The following ALDH1L2 variants were observed in gnomAD, a reference collection of about 807,000 sequenced individuals.
ALDH1L2 encodes the protein mitochondrial 10-formyltetrahydrofolate dehydrogenase.
A neutral mutation model predicts 111.0 loss-of-function variants in ALDH1L2; 91 were observed. The ratio of observed to expected loss-of-function variants is 0.82; its 90% CI spans 0.69 to 0.98. The LOEUF is 0.98. Among genes scored for constraint, ALDH1L2 ranks in the 50% least tolerant of loss-of-function variants. The pLI, the probability that ALDH1L2 is intolerant of heterozygous loss-of-function variation, is 0.00. For synonymous variants in ALDH1L2, 374 were observed against 392.6 expected (o/e 0.95, Z 0.56); for missense variants, 995 against 1,126.8 (o/e 0.88, Z 1.67).
Position 105,070,609 on chromosome 12 carries a change from G to C in ALDH1L2, c.389C>G (p.Ser130Cys), listed in dbSNP as rs975196194. The change falls in exon 3 of 23, where the codon TCC becomes TGC. Residue 130 changes from serine (S) to cysteine (C), a missense_variant. By Grantham distance (112) the Ser-to-Cys change is moderately radical. Transcript: ENST00000258494. ...PKHGSIIYHP[S>C]ILPRHRGASA... ...GGCTCCTCTGTGCCTGGGCAGGATG[G>C]ATGGGTGATAAATGATAGAGCCGTG... The C allele has an allele frequency of 3.1e-6, 5 of 1,614,066 alleles. No homozygotes were observed. Among genetic ancestry groups the C allele is most frequent in the Non-Finnish European group, 4.2e-6 (5 of 1,179,966 alleles).
intron 1 of ALDH1L2, among the ~76,000 whole-genome samples, chr12:105,082,343 C>T (rs1343542423): frequency 1.3e-5 from 2 of 152,184 alleles, no homozygotes; most frequent in Admixed American, 6.5e-5. Flanking sequence ...TTCCTTTATG[C>T]CTATTTATAA....
At chr12:105,049,686 C>G (rs1383898595) in intron 13 of ALDH1L2, 4 of 426,860 alleles carry the variant, frequency 9.4e-6, no homozygotes, top group African/African-American at 4.1e-5. Context: ...ACACCTTTAT[C>G]TTAGACTTCC....
chr12:105,070,871 A>G lies in ALDH1L2; in HGVS notation c.194-67T>C. 4.7e-6 allele frequency: 6 copies of G among 1,276,248 alleles called. No individual in the cohort carries two copies. In the South Asian group the frequency reaches 8.1e-5, roughly 17 times the overall value. 79.1% of individuals were successfully genotyped at this position (1,276,248 alleles called of 1,614,324 possible). On this transcript the variant is annotated intron_variant, in intron 2 of 22. Coordinates refer to ENST00000258494, the MANE Select transcript of ALDH1L2 (RefSeq NM_001034173.4). ...TAATTTTACATCACTATGAATTCAT[A>G]TGTTGTAATTTTACAGTTTCATGAA...
Position 105,019,911 on chromosome 12 carries a change from A to ACT in ALDH1L2, c.*4512_*4513insAG, listed in dbSNP as rs1874078674. 1 of 152,216 alleles carries ACT rather than the reference A, an allele frequency of 6.6e-6. No homozygotes were observed. Among genetic ancestry groups the ACT allele is most frequent in the Non-Finnish European group, 1.5e-5 (1 of 68,026 alleles). The allele number at this position is 152,216 out of a possible 1,614,324, so 9.4% of individuals were successfully genotyped here. A position where few individuals can be genotyped will look rare whatever the true frequency, so the allele number is the denominator to read the frequency against. ...AAAAAAAGTATACATATTCATAGAA[A>ACT]AAGTTTGGAACAATCTCAGATATCA... On this transcript the variant is annotated 3_prime_UTR_variant, in exon 23 of 23. Coordinates refer to ENST00000258494, the MANE Select transcript of ALDH1L2 (RefSeq NM_001034173.4).
chr12:105,060,716 C>T (rs373051316), intron 9 of ALDH1L2: 4 of 239,434 alleles, frequency 1.7e-5, no homozygotes, highest in Admixed American at 1.0e-4. Context: ...CCCAGCTACT[C>T]GGGAGGCCGA....
chr12:105,020,377 G>A lies in ALDH1L2; in HGVS notation c.*4047C>T, dbSNP rs1874103776. Reference sequence around the variant, plus strand: ...AGGCATTAGGAATAAAAACTATCTCGACTTAGTTAAAACCACCAGATGCAT... The same window carrying A: ...AGGCATTAGGAATAAAAACTATCTCAACTTAGTTAAAACCACCAGATGCAT... On this transcript the variant is annotated 3_prime_UTR_variant, in exon 23 of 23. Coordinates refer to ENST00000258494, the MANE Select transcript of ALDH1L2 (RefSeq NM_001034173.4). 1 of 152,096 alleles carries A rather than the reference G, an allele frequency of 6.6e-6. No individual in the cohort carries two copies. The highest frequency in any genetic ancestry group is 1.5e-5 in the Non-Finnish European group (1 of 68,036). 9.4% of individuals were successfully genotyped at this position (152,096 alleles called of 1,614,324 possible). A position where few individuals can be genotyped will look rare whatever the true frequency, so the allele number is the denominator to read the frequency against.
intron 2 of ALDH1L2, among the ~76,000 whole-genome samples, chr12:105,073,047 G>A (rs1475757894): frequency 1.3e-5 from 2 of 152,190 alleles, no homozygotes; most frequent in African/African-American, 4.8e-5. Context: ...GTTTTTGGCT[G>A]CCCCAGAGCT....
chr12:105,060,896 G>T, intron 9 of ALDH1L2, 85 bp downstream of exon 9: 1 of 1,078,556 alleles, frequency 9.3e-7, no homozygotes. Context: ...CAGAACAAAG[G>T]ATGTGTGTGG....
At chr12:105,070,903 A>G in intron 2 of ALDH1L2, 99 bp from the exon 3 acceptor site, 1 of 1,001,262 alleles carries the variant, frequency 1.0e-6, no homozygotes, top group Non-Finnish European at 1.5e-6. Context: ...TGAAATATTT[A>G]CAAATAAAAC....
intron 12 of ALDH1L2, among the ~76,000 whole-genome samples, chr12:105,050,971 T>C (rs1876225689): frequency 6.6e-6 from 1 of 152,162 alleles, no homozygotes; most frequent in African/African-American, 2.4e-5. Context: ...CTAGGAGATC[T>C]ATTGATCTAG....
intron 19 of ALDH1L2, among the ~76,000 whole-genome samples, chr12:105,033,761 G>A (rs1874828012): frequency 6.6e-6 from 1 of 152,046 alleles, no homozygotes; most frequent in Non-Finnish European, 1.5e-5. Context: ...TATTTTAGTG[G>A]AAGGAATTAT....
chr12:105,078,514 G>A (rs2374449), intron 1 of ALDH1L2, among the ~76,000 whole-genome samples: 129,389 of 152,196 alleles, frequency 0.85, 55,155 homozygotes, highest in South Asian at 0.94. Context: ...CTGTGGCGCC[G>A]TATAGCAACA....
chr12:105,067,215 C>CAAAAAAAAAAAAAAAAAAA, intron 4 of ALDH1L2, among the ~76,000 whole-genome samples: 1 of 97,246 alleles, frequency 1.0e-5, no homozygotes, highest in Non-Finnish European at 2.1e-5. Flanking sequence ...GACTCTGTCT[C>CAAAAAAAAAAAAAAAAAAA]AAAAAAAAAA....
intron 21 of ALDH1L2, among the ~76,000 whole-genome samples, chr12:105,027,988 T>C (rs780599889): frequency 1.2e-4 from 19 of 152,238 alleles, no homozygotes; most frequent in Non-Finnish European, 2.2e-4. Context: ...CCTACTCTTT[T>C]CTCAGTTGAG....
In ALDH1L2 at chr12:105,084,372, G is replaced by C; in HGVS notation, c.48+17C>G. On this transcript the variant is annotated intron_variant, in intron 1 of 22. Coordinates refer to ENST00000258494, the MANE Select transcript of ALDH1L2 (RefSeq NM_001034173.4). ...GGACAGGGTGACAGCCGGGACGCTC[G>C]CCCGGGCCGGACTCACCCGGCCAGT... The C allele has an allele frequency of 6.7e-7, 1 of 1,500,426 alleles. No individual in the cohort carries two copies. The allele number at this position is 1,500,426 out of a possible 1,614,324, so 92.9% of individuals were successfully genotyped here. A position where few individuals can be genotyped will look rare whatever the true frequency, so the allele number is the denominator to read the frequency against.
intron 1 of ALDH1L2, among the ~76,000 whole-genome samples, chr12:105,081,169 A>C (rs1454710269): frequency 6.6e-6 from 1 of 152,224 alleles, no homozygotes; most frequent in Non-Finnish European, 1.5e-5. Context: ...TATCCACGGG[A>C]GGTCCTGAAA....
chr12:105,031,656 T>G, intron 20 of ALDH1L2, 113 bp downstream of exon 20: 2 of 1,450,482 alleles, frequency 1.4e-6, no homozygotes. Flanking sequence ...ACTGGGCTAA[T>G]TTTTGGTAGA....
intron 1 of ALDH1L2, among the ~76,000 whole-genome samples, chr12:105,082,336 CT>C (rs1878371823): frequency 6.6e-6 from 1 of 152,206 alleles, no homozygotes; most frequent in Non-Finnish European, 1.5e-5. Flanking sequence ...GCCCAAATTC[CT>C]TTATGCCTAT....
intron 21 of ALDH1L2, among the ~76,000 whole-genome samples, chr12:105,027,910 A>G (rs965013931): frequency 6.6e-6 from 1 of 152,178 alleles, no homozygotes; most frequent in Non-Finnish European, 1.5e-5. Flanking sequence ...ATTCAACAAA[A>G]TAGGTCCCGT....
Sources: allele counts gnomAD v4.1 joint callset (sites outside exome capture counted in the v4.1 genomes callset), GRCh38; gene constraint gnomAD v4.1.1; transcripts MANE v1.5; gene names NCBI Gene and HGNC (gene_info 2026-07-23, HGNC 2026-07-21).